MYH15: variants seen among roughly 807,000 people sequenced by gnomAD.
MYH15 encodes the protein myosin-15.
Under a neutral mutation model 240.5 loss-of-function variants are expected in MYH15, and 227 were observed. The ratio of observed to expected loss-of-function variants is 0.94; its 90% CI spans 0.85 to 1.05. MYH15 has a LOEUF of 1.05. Ranked by LOEUF, MYH15 falls within the 50% of genes least tolerant of loss-of-function variation. The pLI is 0.00. For missense variants in MYH15, 2,217 were observed against 2,247.5 expected, an observed-to-expected ratio of 0.99 and a Z score of 0.27; for synonymous variants, 785 against 796.7, an observed-to-expected ratio of 0.99 and a Z score of 0.25.
intron 5 of MYH15, 23 bp downstream of exon 5, chr3:108,499,432 A>C: frequency 6.2e-7 from 1 of 1,612,140 alleles, no homozygotes; most frequent in Non-Finnish European, 8.5e-7. Flanking sequence ...AGGCCAAAAA[A>C]GAAAAACAAG....
chr3:108,384,688 G>C lies in MYH15; in HGVS notation c.5630C>G (p.Ala1877Gly). The C allele has an allele frequency of 6.2e-7, 1 of 1,612,660 alleles. No homozygotes were observed. The highest frequency in any genetic ancestry group is 8.5e-7 in the Non-Finnish European group (1 of 1,179,108). The change falls in exon 39 of 41, where the codon GCG becomes GGG. Residue 1877 changes from alanine to glycine, a missense_variant and splice_region_variant. Transcript: ENST00000693548. ...VQNYKQQVEV[A>G]ETQANQYLSK... ...GCTGAAACTTCCCCAGGCACTCACC[G>C]CCACCTCGACTTGCTGCTTGTAATT...
Position 108,400,809 on chromosome 3 carries a change from CAAAAAAAGAAAAAAAGAA to C in MYH15, c.4737-1560_4737-1543del, listed in dbSNP as rs149960361. Among the ~76,000 whole-genome samples the C allele has an allele frequency of 4.2e-3, 636 of 151,328 alleles. 5 individuals carry two copies. Among genetic ancestry groups the C allele is most frequent in the Non-Finnish European group, 6.9e-3 (470 of 67,828 alleles). Reference sequence around the variant, plus strand: ...GGGCAACAAAGCGAGACTCTTGTCTCAAAAAAAGAAAAAAAGAAGGCATACGGCCTACAGGGGGAAGAG... The same window carrying C: ...GGGCAACAAAGCGAGACTCTTGTCTCGGCATACGGCCTACAGGGGGAAGAG... On this transcript the variant is annotated intron_variant, in intron 33 of 40. Transcript: ENST00000693548.
Position 108,437,574 on chromosome 3 carries a change from G to A in MYH15, c.3201C>T (p.His1067=). 1 of 1,613,652 alleles carries A rather than the reference G, an allele frequency of 6.2e-7. No homozygotes were observed. The highest frequency in any genetic ancestry group is 8.5e-7 in the Non-Finnish European group (1 of 1,179,856). ...CTTACTTCCTCAGCTCTTCTGCCAG[G>A]TGTCGCTGGCTGCTTTCCAGGTTCT... ...SMENLESSQR[H]LAEELRKKEL... The change falls in exon 25 of 41, where the codon CAC becomes CAT. Residue 1067 remains histidine, a synonymous_variant. Coordinates refer to ENST00000693548, the MANE Select transcript of MYH15 (RefSeq NM_014981.3).
chr3:108,380,982 A>C lies in MYH15; in HGVS notation c.*563T>G, dbSNP rs2107529411. On this transcript the variant is annotated 3_prime_UTR_variant, in exon 41 of 41. Transcript: ENST00000693548. ...AAGCATGTACCAGCATATAGCCTAC[A>C]TGTGTGTTGATTAGGAGAGTTTTGC... is the stretch of plus-strand genomic sequence containing the variant. 1 of 155,056 alleles carries C rather than the reference A, an allele frequency of 6.4e-6. No homozygotes were observed. Among genetic ancestry groups the C allele is most frequent in the Admixed American group, 6.3e-5 (1 of 15,756 alleles). The allele number at this position is 155,056 out of a possible 1,614,324, so 9.6% of individuals were successfully genotyped here. A position where few individuals can be genotyped will look rare whatever the true frequency, so the allele number is the denominator to read the frequency against.
chr3:108,507,162 T>TTA (rs917619217), intron 1 of MYH15, among the ~76,000 whole-genome samples: 9 of 144,290 alleles, frequency 6.2e-5, no homozygotes, highest in South Asian at 2.2e-4. Context: ...TAAAAGCATA[T>TTA]TATATATATG....
chr3:108,544,578 G>A, the MYH15 span, among the ~76,000 whole-genome samples: 5 of 152,244 alleles, frequency 3.3e-5, no homozygotes, highest in East Asian at 9.7e-4. Flanking sequence ...CTAATCTGAA[G>A]GGTATTTGCA....
intron 23 of MYH15, 113 bp from the exon 24 acceptor site, chr3:108,440,026 C>A (rs546007015): frequency 3.1e-6 from 3 of 955,280 alleles, no homozygotes; most frequent in East Asian, 5.5e-5. Context: ...TCCAATGTCA[C>A]AAAAAGCTGT....
Position 108,441,246 on chromosome 3 carries a change from C to T in MYH15, c.2670G>A (p.Leu890=), listed in dbSNP as rs753350338. 28 of 1,613,918 alleles carry T rather than the reference C, an allele frequency of 1.7e-5. No homozygotes were observed. Among genetic ancestry groups the T allele is most frequent in the Middle Eastern group, 1.6e-4 (1 of 6,080 alleles). The change falls in exon 23 of 41, where the codon CTG becomes CTA. Residue 890 remains leucine (L), a synonymous_variant. Coordinates refer to ENST00000693548, the MANE Select transcript of MYH15 (RefSeq NM_014981.3). ...ACTCGCACTGCTCTTCAACATTTGC[C>T]AGTGTCTCTTGCTCCTGCCATGATG... ...ILQLQAEQET[L]ANVEEQCEWL...
chr3:108,449,793 C>G (rs1263359965), intron 21 of MYH15, among the ~76,000 whole-genome samples: 1 of 151,554 alleles, frequency 6.6e-6, no homozygotes, highest in Non-Finnish European at 1.5e-5. Context: ...GAGAAGACAA[C>G]CTATGGAATG....
At chr3:108,530,674 CAG>C (rs1383175470), upstream of MYH15, among the ~76,000 whole-genome samples, 5 of 152,002 alleles carry the variant, frequency 3.3e-5, no homozygotes, top group African/African-American at 4.8e-5. Flanking sequence ...TGTGTAGGGA[CAG>C]GGGATATATG....
At chr3:108,474,688 G>T (rs1356855952) in intron 12 of MYH15, among the ~76,000 whole-genome samples, 10 of 152,008 alleles carry the variant, frequency 6.6e-5, no homozygotes, top group Admixed American at 4.6e-4. Flanking sequence ...GTTTTATACA[G>T]AGAAAAACCC....
At chr3:108,451,356 G>C (rs1358045674) in intron 21 of MYH15, among the ~76,000 whole-genome samples, 1 of 151,754 alleles carries the variant, frequency 6.6e-6, no homozygotes, top group African/African-American at 2.4e-5. Context: ...CTCCAGCCTG[G>C]GCGATAGAGA....
chr3:108,439,627 C>T, intron 24 of MYH15, 110 bp downstream of exon 24: 1 of 991,728 alleles, frequency 1.0e-6, no homozygotes, highest in Non-Finnish European at 1.4e-6. Flanking sequence ...GGAAAACAAA[C>T]TATGCTACTA....
At chr3:108,465,061 C>A (rs4586815) in intron 14 of MYH15, among the ~76,000 whole-genome samples, 1 of 152,062 alleles carries the variant, frequency 6.6e-6, no homozygotes, top group African/African-American at 2.4e-5. Flanking sequence ...CCTCAGGGTG[C>A]GTACATTTAG....
At position 108,391,849 on chromosome 3, in the gene MYH15, T is replaced by C. The variant is rs1484867151; in HGVS notation, c.5341A>G (p.Thr1781Ala). ...AGCCTTTTCTGTAAGTCTGTAATTGTCTGCTCCATATTTTCTCTTGTCCTT... is the reference window on the plus strand; with the variant it reads ...AGCCTTTTCTGTAAGTCTGTAATTGCCTGCTCCATATTTTCTCTTGTCCTT... The part of the protein sequence containing the change: ...LERTRENMEQ[T>A]ITDLQKRLAE... The change falls in exon 37 of 41, where the codon ACA (threonine) becomes GCA (alanine). Residue 1781 changes from threonine to alanine, a missense_variant. Thr to Ala is a moderately conservative substitution (Grantham distance 58). Coordinates refer to ENST00000693548, the MANE Select transcript of MYH15 (RefSeq NM_014981.3). 3.7e-6 allele frequency: 6 copies of C among 1,614,078 alleles called. No homozygotes were observed. The highest frequency in any genetic ancestry group is 5.1e-6 in the Non-Finnish European group (6 of 1,180,028).
intron 23 of MYH15, 76 bp downstream of exon 23, chr3:108,440,942 G>T (rs1395624496): frequency 6.4e-7 from 1 of 1,562,398 alleles, no homozygotes; most frequent in East Asian, 2.2e-5. Context: ...AATAGAGCAA[G>T]TCAGATACCA....
intron 5 of MYH15, among the ~76,000 whole-genome samples, chr3:108,498,721 G>C (rs2083413519): frequency 6.6e-6 from 1 of 152,204 alleles, no homozygotes; most frequent in South Asian, 2.1e-4. Context: ...TATCCTGTCT[G>C]TGAAAGGCTG....
In MYH15 at chr3:108,381,491, A is replaced by T. The variant is rs1031675042; in HGVS notation, c.*54T>A. On this transcript the variant is annotated 3_prime_UTR_variant, in exon 41 of 41. Coordinates refer to ENST00000693548, the MANE Select transcript of MYH15 (RefSeq NM_014981.3). ...CATGCAACCTAAGTTTTTGGCCATG[A>T]AACAGCACCTTCCTTGTACTTCTCC... 15 of 1,604,822 alleles carry T rather than the reference A, an allele frequency of 9.3e-6. No individual in the cohort carries two copies. The highest frequency in any genetic ancestry group is 1.2e-5 in the Non-Finnish European group (14 of 1,171,814).
At chr3:108,435,075 T>C (rs530579058) in intron 25 of MYH15, among the ~76,000 whole-genome samples, 28 of 152,334 alleles carry the variant, frequency 1.8e-4, no homozygotes, top group African/African-American at 6.7e-4. Flanking sequence ...AATTATTGAG[T>C]TATAGATTTT....
Sources: gnomAD v4.1 joint callset for allele counts (sites outside exome capture counted in the v4.1 genomes callset) on GRCh38, gnomAD v4.1.1 for gene constraint, MANE v1.5 for transcripts, NCBI Gene and HGNC (gene_info 2026-07-23, HGNC 2026-07-21) for gene names.